Variants in SSTR3 observed in about 807,000 individuals in gnomAD.
SSTR3 encodes somatostatin receptor 3, also known as somatostatin receptor type 3.
For missense variants in SSTR3, 504 were observed against 604.7 expected, an observed-to-expected ratio of 0.83 and a Z score of 1.75; for synonymous variants, 281 against 269.2, an observed-to-expected ratio of 1.04 and a Z score of -0.43.
chr22:37,219,506 G>A, the SSTR3 span, among the ~76,000 whole-genome samples: 6 of 152,130 alleles, frequency 3.9e-5, no homozygotes, highest in East Asian at 3.8e-4. Flanking sequence ...CTCCCTCTCC[G>A]GGACCTGTCC....
At chr22:37,210,517 T>G in intron 1 of SSTR3, 2 of 985,318 alleles carry the variant, frequency 2.0e-6, no homozygotes, top group South Asian at 4.7e-5. Context: ...GCAGGGAAAT[T>G]ACAGCTTTCC....
upstream of SSTR3, among the ~76,000 whole-genome samples, chr22:37,214,818 C>T (rs545891813): frequency 6.6e-6 from 1 of 152,318 alleles, no homozygotes; most frequent in African/African-American, 2.4e-5. Flanking sequence ...GCCTAGGGAC[C>T]CCATGTAACG....
Position 37,207,796 on chromosome 22 carries a change from AT to A in SSTR3, c.7del (p.Met3CysfsTer44). MD[M>X]LHPSSVSTTS... ...CGTGGACACCGATGATGGATGAAGC[AT>A]GTCCATGGCTGAGGGGAGGGTGGTC... On this transcript the variant is annotated frameshift_variant, in exon 2 of 2. Coordinates refer to ENST00000610913, the MANE Select transcript of SSTR3 (RefSeq NM_001051.5). LOFTEE classifies it low-confidence loss of function (END_TRUNC). The A allele has an allele frequency of 6.6e-7, 1 of 1,509,658 alleles. No individual in the cohort carries two copies. The highest frequency in any genetic ancestry group is 8.9e-7 in the Non-Finnish European group (1 of 1,129,136). The allele number at this position is 1,509,658 out of a possible 1,614,324, so 93.5% of individuals were successfully genotyped here. A position where few individuals can be genotyped will look rare whatever the true frequency, so the allele number is the denominator to read the frequency against.
At chr22:37,208,383 C>T (rs140958571) in intron 1 of SSTR3, among the ~76,000 whole-genome samples, 2 of 152,332 alleles carry the variant, frequency 1.3e-5, no homozygotes, top group South Asian at 2.1e-4. Flanking sequence ...GAGTTAAGAA[C>T]CACAGGCTTG....
chr22:37,210,918 G>A (rs1435315693), intron 1 of SSTR3: 2 of 985,398 alleles, frequency 2.0e-6, no homozygotes, highest in Non-Finnish European at 2.4e-6. Flanking sequence ...GTTCAACAAG[G>A]AGAGCTCCAA....
chr22:37,209,891 C>G (rs1926087980), intron 1 of SSTR3, among the ~76,000 whole-genome samples: 1 of 152,216 alleles, frequency 6.6e-6, no homozygotes, highest in Non-Finnish European at 1.5e-5. Flanking sequence ...CCTAATGGAC[C>G]TTAGAGATCT....
upstream of SSTR3, among the ~76,000 whole-genome samples, chr22:37,213,762 C>T (rs1330906027): frequency 6.6e-6 from 1 of 152,170 alleles, no homozygotes; most frequent in African/African-American, 2.4e-5. Context: ...CGGCTTCTCA[C>T]TGCCCTCAGA....
Position 37,207,384 on chromosome 22 carries a change from G to A in SSTR3, c.420C>T (p.Asp140=), listed in dbSNP as rs1925885450. 2.5e-6 allele frequency: 4 copies of A among 1,612,422 alleles called. No homozygotes were observed. The highest frequency in any genetic ancestry group is 3.4e-6 in the Non-Finnish European group (4 of 1,179,276). ...SIFCLTVMSV[D]RYLAVVHPTR... is the part of the protein sequence containing the mutation. The stretch of plus-strand genomic sequence containing the variant: ...TGGGATGTACCACGGCCAGGTAGCG[G>A]TCCACGCTCATGACAGTCAGGCAGA... The change falls in exon 2 of 2, where the codon GAC becomes GAT. Residue 140 remains aspartate (D), a synonymous_variant. Coordinates refer to ENST00000610913, the MANE Select transcript of SSTR3 (RefSeq NM_001051.5).
Position 37,206,770 on chromosome 22 carries a change from G to T in SSTR3, c.1034C>A (p.Pro345Gln), listed in dbSNP as rs202051882. 2 of 1,610,260 alleles carry T rather than the reference G, an allele frequency of 1.2e-6. No individual in the cohort carries two copies. Among genetic ancestry groups the T allele is most frequent in the Non-Finnish European group, 1.7e-6 (2 of 1,179,648 alleles). The change falls in exon 2 of 2, where the codon CCG becomes CAG. Residue 345 changes from proline to glutamine, a missense_variant. Physicochemically the swap from Pro to Gln is moderately conservative, Grantham distance 76 (BLOSUM62 -1). Coordinates refer to ENST00000610913, the MANE Select transcript of SSTR3 (RefSeq NM_001051.5). ...VRSQEPTVGP[P>Q]EKTEEEDEEE... ...CTCATCCTCCTCCTCAGTCTTCTCC[G>T]GGGGCCCCACAGTGGGCTCCTGGCT...
At chr22:37,208,605 C>T (rs1925997059) in intron 1 of SSTR3, among the ~76,000 whole-genome samples, 1 of 152,218 alleles carries the variant, frequency 6.6e-6, no homozygotes, top group African/African-American at 2.4e-5. Context: ...CTCCCCCTGG[C>T]TGGAGGGGCC....
At position 37,207,078 on chromosome 22, in the gene SSTR3, T is replaced by C. The variant is rs1328762479; in HGVS notation, c.726A>G (p.Ala242=). Residue 242 remains alanine, a synonymous_variant, in exon 2 of 2, where the codon GCA becomes GCG. Transcript: ENST00000610913. The part of the protein sequence containing the change: ...KVRSAGRRVW[A]PSCQRRRRSE... ...AGCGCCGCCGCCGCTGGCACGAGGG[T>C]GCCCACACCCGGCGCCCAGCTGAGC... The C allele has an allele frequency of 1.6e-5, 25 of 1,611,916 alleles. No homozygotes were observed. The highest frequency in any genetic ancestry group is 2.1e-5 in the Non-Finnish European group (25 of 1,179,450).
At chr22:37,208,078 A>T (rs1925962280) in intron 1 of SSTR3, among the ~76,000 whole-genome samples, 1 of 152,000 alleles carries the variant, frequency 6.6e-6, no homozygotes, top group Non-Finnish European at 1.5e-5. Flanking sequence ...AGGTGAGGTG[A>T]TCATTCTCCA....
upstream of SSTR3, among the ~76,000 whole-genome samples, chr22:37,212,479 A>G (rs975855948): frequency 8.6e-6 from 1 of 116,752 alleles, no homozygotes; most frequent in Non-Finnish European, 1.7e-5. Flanking sequence ...GGAGGGAGTA[A>G]GCAGGGAGGG....
rs751306573 is a variant in SSTR3 at position 37,207,636 on chromosome 22, C to G, written c.168G>C (p.Val56=). Residue 56 remains valine (V), a synonymous_variant, in exon 2 of 2, where the codon GTG becomes GTC. Transcript: ENST00000610913. ...CCAGCGAGTTACCCAGCAGGCCCACCACGCACACCACCAGGTAGACCAGGG... is the reference window on the plus strand; with the variant it reads ...CCAGCGAGTTACCCAGCAGGCCCACGACGCACACCACCAGGTAGACCAGGG... The part of the protein sequence containing the change: ...LIPLVYLVVC[V]VGLLGNSLVI... The G allele has an allele frequency of 6.2e-6, 10 of 1,600,368 alleles. No homozygotes were observed. Among genetic ancestry groups the G allele is most frequent in the Non-Finnish European group, 8.5e-6 (10 of 1,170,846 alleles).
At chr22:37,208,013 G>A (rs1041183819) in intron 1 of SSTR3, among the ~76,000 whole-genome samples, 174 bp from the exon 2 acceptor site, 41 of 152,274 alleles carry the variant, frequency 2.7e-4, no homozygotes, top group African/African-American at 7.2e-4. Context: ...GCACAGCCCC[G>A]CAAGGCTGAG....
At chr22:37,213,742 CCCCTA>C (rs1158550578), upstream of SSTR3, among the ~76,000 whole-genome samples, 1 of 152,168 alleles carries the variant, frequency 6.6e-6, no homozygotes, top group Non-Finnish European at 1.5e-5. Flanking sequence ...TGACCACCCA[CCCCTA>C]CCCACGGCTT....
upstream of SSTR3, among the ~76,000 whole-genome samples, chr22:37,215,251 AT>A (rs200675573): frequency 2.9e-4 from 43 of 150,372 alleles, no homozygotes; most frequent in East Asian, 5.1e-3. Context: ...ACCCATGGTA[AT>A]TTTTTTTTTA....
intron 1 of SSTR3, chr22:37,210,876 C>T (rs1218235584): frequency 1.0e-6 from 1 of 985,316 alleles, no homozygotes; most frequent in Non-Finnish European, 1.2e-6. Context: ...AGGACATCAC[C>T]CAGAACAGCC....
chr22:37,211,512 G>A (rs1024270256), intron 1 of SSTR3, among the ~76,000 whole-genome samples: 2 of 152,204 alleles, frequency 1.3e-5, no homozygotes, highest in South Asian at 2.1e-4. Context: ...ACAGTGCCGG[G>A]TATGGAGGGG....
Sources: gnomAD v4.1 joint callset for allele counts (sites outside exome capture counted in the v4.1 genomes callset) on GRCh38, gnomAD v4.1.1 for gene constraint, MANE v1.5 for transcripts, NCBI Gene and HGNC (gene_info 2026-07-23, HGNC 2026-07-21) for gene names.